The following ADAMTS6 variants were observed in gnomAD, a reference collection of about 807,000 sequenced individuals.
ADAMTS6 encodes the protein ADAM metallopeptidase with thrombospondin type 1 motif 6, also known as A disintegrin and metalloproteinase with thrombospondin motifs 6.
A neutral mutation model predicts 144.3 loss-of-function variants in ADAMTS6; 23 were observed. The observed-to-expected ratio is 0.16, with a 90% CI of 0.11 to 0.23. The LOEUF is 0.23. ADAMTS6 is among the 10% of genes least tolerant of loss of function. The pLI is 1.00. For synonymous variants in ADAMTS6, 444 were observed against 457.5 expected (o/e 0.97, Z 0.38); for missense variants, 999 against 1,379.6 (o/e 0.72, Z 4.37).
intron 20 of ADAMTS6, among the ~76,000 whole-genome samples, chr5:65,205,167 C>T (rs1403862588): frequency 6.6e-6 from 1 of 150,472 alleles, no homozygotes; most frequent in South Asian, 2.1e-4. Context: ...CCATTTGGGG[C>T]TCCTCTGCTT....
At chr5:65,325,837 GTTCACTCAATCATGAT>G (rs1249895916) in intron 9 of ADAMTS6, among the ~76,000 whole-genome samples, 2 of 152,020 alleles carry the variant, frequency 1.3e-5, no homozygotes, top group East Asian at 3.9e-4. Context: ...TAGAGTTAAA[GTTCACTCAATCATGAT>G]TAATAAATGA....
intron 24 of ADAMTS6, among the ~76,000 whole-genome samples, chr5:65,158,018 C>G (rs1752531403): frequency 6.6e-6 from 1 of 152,034 alleles, no homozygotes; most frequent in African/African-American, 2.4e-5. Context: ...AGTCTTATTC[C>G]CTGGATGCCA....
At chr5:65,481,232 A>AAAC (rs1554099083) in intron 1 of ADAMTS6, 111 bp downstream of exon 1, 25 of 151,066 alleles carry the variant, frequency 1.7e-4, no homozygotes, top group African/African-American at 2.7e-4. Context: ...AAAAAAAAAA[A>AAAC]ACACACACAC....
chr5:65,366,687 G>T (rs1750336830), intron 7 of ADAMTS6, among the ~76,000 whole-genome samples: 1 of 152,156 alleles, frequency 6.6e-6, no homozygotes, highest in African/African-American at 2.4e-5. Context: ...ACTGTTCATA[G>T]ATTTAAAGTT....
chr5:65,197,045 G>T lies in ADAMTS6; in HGVS notation c.2682C>A (p.Cys894Ter). The change falls in exon 21 of 25, where the codon TGC becomes TGA. Residue 894 changes from cysteine (C) to a stop codon, truncating the protein, a stop_gained. Transcript: ENST00000381055. LOFTEE classifies it high-confidence loss of function. ...DSKPPENQRA[C>*]NTEPCPPEWF... ...ACTCAGGTGGGCAGGGCTCAGTGTTGCAGGCTCTTTGATTTTCAGGTGGCT... is the reference window on the plus strand; with the variant it reads ...ACTCAGGTGGGCAGGGCTCAGTGTTTCAGGCTCTTTGATTTTCAGGTGGCT... The T allele has an allele frequency of 6.2e-7, 1 of 1,613,730 alleles. No individual in the cohort carries two copies. Among genetic ancestry groups the T allele is most frequent in the East Asian group, 2.2e-5 (1 of 44,874 alleles).
At chr5:65,430,674 G>T (rs1413166801) in intron 7 of ADAMTS6, among the ~76,000 whole-genome samples, 1 of 152,080 alleles carries the variant, frequency 6.6e-6, no homozygotes. Flanking sequence ...CAGGCAAGGG[G>T]GTTCAAAGAA....
chr5:65,187,149 T>C (rs376935333), intron 22 of ADAMTS6, among the ~76,000 whole-genome samples: 21 of 152,226 alleles, frequency 1.4e-4, no homozygotes, highest in African/African-American at 4.1e-4. Context: ...TCTGGTTATA[T>C]AGCAAGGTAC....
chr5:65,284,998 C>A (rs934258680), intron 11 of ADAMTS6, among the ~76,000 whole-genome samples: 3 of 152,182 alleles, frequency 2.0e-5, no homozygotes, highest in Admixed American at 6.5e-5. Context: ...ACTGGAGAAT[C>A]ATTAGTGGCA....
At chr5:65,411,139 G>C (rs929779968) in intron 7 of ADAMTS6, among the ~76,000 whole-genome samples, 1 of 152,022 alleles carries the variant, frequency 6.6e-6, no homozygotes, top group Non-Finnish European at 1.5e-5. Context: ...AGCCTGGCCT[G>C]CTTCTTTTTT....
chr5:65,460,103 T>C, intron 4 of ADAMTS6, 67 bp downstream of exon 4: 9 of 1,538,428 alleles, frequency 5.9e-6, no homozygotes, highest in Non-Finnish European at 7.9e-6. Context: ...CTTACTATAC[T>C]TGCCAGAAGA....
At chr5:65,273,139 A>C (rs16893628) in intron 12 of ADAMTS6, among the ~76,000 whole-genome samples, 30,049 of 152,126 alleles carry the variant, frequency 0.2, 3,005 homozygotes, top group Non-Finnish European at 0.22. Flanking sequence ...CTGACCTAAA[A>C]TAGACTTACC....
At chr5:65,314,395 A>G (rs753473514) in intron 9 of ADAMTS6, among the ~76,000 whole-genome samples, 2 of 152,052 alleles carry the variant, frequency 1.3e-5, no homozygotes, top group Non-Finnish European at 2.9e-5. Flanking sequence ...GAATTTTGAG[A>G]CAATATCTGA....
At chr5:65,274,939 C>T (rs570513222) in intron 11 of ADAMTS6, among the ~76,000 whole-genome samples, 89 of 152,214 alleles carry the variant, frequency 5.8e-4, no homozygotes, top group African/African-American at 2.0e-3. Flanking sequence ...CCCACTTGGC[C>T]TCCCAAAGTG....
In ADAMTS6 at chr5:65,253,603, T is replaced by G. The variant is rs114808253; in HGVS notation, c.1830+6997A>C. ...GGAAGCTGGTTTGATAAAAGAAAGG[T>G]ATATTCTTTTAAATCCTTTAAATTG... is the stretch of plus-strand genomic sequence containing the variant. On this transcript the variant is annotated intron_variant, in intron 14 of 24. Transcript: ENST00000381055. Among the ~76,000 whole-genome samples the G allele has an allele frequency of 4.1e-3, 630 of 152,180 alleles. 1 individual carries two copies. The highest frequency in any genetic ancestry group is 0.014 in the African/African-American group (590 of 41,534).
intron 24 of ADAMTS6, among the ~76,000 whole-genome samples, chr5:65,156,719 C>T (rs1579907369): frequency 6.6e-6 from 1 of 152,186 alleles, no homozygotes; most frequent in African/African-American, 2.4e-5. Flanking sequence ...TATCTATCTA[C>T]TTACTGCTTT....
chr5:65,323,688 GC>G (rs1299503677), intron 9 of ADAMTS6, among the ~76,000 whole-genome samples: 11 of 152,094 alleles, frequency 7.2e-5, no homozygotes, highest in African/African-American at 2.7e-4. Context: ...CTGAGGAATC[GC>G]CACACCAACT....
chr5:65,428,919 T>C (rs1053452060), intron 7 of ADAMTS6, among the ~76,000 whole-genome samples: 4 of 152,182 alleles, frequency 2.6e-5, no homozygotes, highest in Admixed American at 1.3e-4. Flanking sequence ...TAGTCAAACA[T>C]GAAATTGAAA....
intron 7 of ADAMTS6, among the ~76,000 whole-genome samples, chr5:65,439,652 T>C (rs185766393): frequency 8.5e-4 from 129 of 152,280 alleles, no homozygotes; most frequent in Middle Eastern, 3.4e-3. Flanking sequence ...CTAGGTTAGT[T>C]AGTGGCCTGA....
rs570517034 is a variant in ADAMTS6, at chr5:65,481,486, A to G, written c.-423T>C. ...TTGCCCCCCTTTGCAAAGCCACACC[A>G]GCCAGTTATTCTGCAGCCAGAATAA... On this transcript the variant is annotated 5_prime_UTR_variant, in exon 1 of 25. Transcript: ENST00000381055. 5 of 150,006 alleles carry G rather than the reference A, an allele frequency of 3.3e-5. No homozygotes were observed. The highest frequency in any genetic ancestry group is 4.4e-5 in the Non-Finnish European group (3 of 67,660). The allele number at this position is 150,006 out of a possible 1,614,324, so 9.3% of individuals were successfully genotyped here.
Sources: gnomAD v4.1 joint callset for allele counts (sites outside exome capture counted in the v4.1 genomes callset) on GRCh38, gnomAD v4.1.1 for gene constraint, MANE v1.5 for transcripts, NCBI Gene and HGNC (gene_info 2026-07-23, HGNC 2026-07-21) for gene names.